Variants in ARMH4 observed in about 807,000 individuals in gnomAD.
ARMH4 encodes armadillo like helical domain containing 4.
A neutral mutation model predicts 61.9 loss-of-function variants in ARMH4; 49 were observed. That is an observed-to-expected ratio of 0.79 (90% CI 0.63 to 1.00). The LOEUF is 1.00. Ranked by LOEUF, ARMH4 falls within the 50% of genes least tolerant of loss-of-function variation. ARMH4 has a pLI of 0.00. For synonymous variants in ARMH4, 368 were observed against 341.5 expected, an observed-to-expected ratio of 1.08 and a Z score of -0.85; for missense variants, 934 against 930.0, an observed-to-expected ratio of 1.00 and a Z score of -0.06.
intron 2 of ARMH4, among the ~76,000 whole-genome samples, chr14:58,135,372 T>C (rs1887269473): frequency 1.3e-5 from 2 of 152,216 alleles, no homozygotes; most frequent in South Asian, 2.1e-4. Context: ...GACAATAACA[T>C]ATAGTTTTAC....
At chr14:58,088,449 C>A (rs1885450144) in intron 5 of ARMH4, among the ~76,000 whole-genome samples, 1 of 149,312 alleles carries the variant, frequency 6.7e-6, no homozygotes. Flanking sequence ...GGTGTCTTAG[C>A]TAATGTGAAA....
At chr14:58,054,869 C>CAAAAA (rs72336341) in intron 5 of ARMH4, among the ~76,000 whole-genome samples, 5 of 104,162 alleles carry the variant, frequency 4.8e-5, no homozygotes, top group Admixed American at 1.9e-4. Context: ...GACTCTGTCT[C>CAAAAA]AAAAAAAAAA....
chr14:58,004,940 C>T (rs1172114969), intron 7 of ARMH4, 108 bp downstream of exon 7: 4 of 1,551,270 alleles, frequency 2.6e-6, no homozygotes, highest in Non-Finnish European at 3.5e-6. Context: ...CCACTGGGCA[C>T]GTCAATACCA....
intron 5 of ARMH4, among the ~76,000 whole-genome samples, chr14:58,073,270 T>TA (rs935048383): frequency 1.6e-4 from 25 of 152,172 alleles, no homozygotes; most frequent in African/African-American, 6.0e-4. Context: ...TTTTAAAAAA[T>TA]AAAAAACTGT....
chr14:58,054,540 T>C (rs748194650), intron 5 of ARMH4, among the ~76,000 whole-genome samples: 2 of 152,182 alleles, frequency 1.3e-5, no homozygotes, highest in Non-Finnish European at 2.9e-5. Flanking sequence ...CAGTAGTACA[T>C]ACAATTTGTA....
chr14:58,133,059 A>C (rs748902828), intron 3 of ARMH4, 31 bp downstream of exon 3: 73 of 1,611,040 alleles, frequency 4.5e-5, no homozygotes, highest in Non-Finnish European at 5.4e-5. Flanking sequence ...ATCCACCCCC[A>C]AAACAGAGTC....
chr14:58,120,804 G>C (rs1465223586), intron 4 of ARMH4, among the ~76,000 whole-genome samples: 2 of 152,164 alleles, frequency 1.3e-5, no homozygotes, highest in East Asian at 3.8e-4. Flanking sequence ...AAAAGATCTA[G>C]CTTCGTTAAT....
chr14:58,023,888 A>G (rs1882931974), intron 5 of ARMH4, among the ~76,000 whole-genome samples: 1 of 152,238 alleles, frequency 6.6e-6, no homozygotes, highest in Non-Finnish European at 1.5e-5. Context: ...AGCAGTAGTA[A>G]TAATTTGAAA....
chr14:58,120,441 T>TA lies in ARMH4; in HGVS notation c.1831+11070dup, dbSNP rs545429876. Among the ~76,000 whole-genome samples the TA allele has an allele frequency of 5.3e-5, 8 of 152,280 alleles. No homozygotes were observed. The South Asian group carries it at 8.3e-4, about 16-fold the overall frequency. On this transcript the variant is annotated intron_variant, in intron 4 of 7. Transcript: ENST00000267485. ...TGGAACTAAAGTCTCTCCTGACTCT[T>TA]AGAGTCCTTTTTCTCTCCTGACTCT... is the stretch of plus-strand genomic sequence containing the variant.
chr14:58,010,519 A>T (rs1459534696), intron 6 of ARMH4, among the ~76,000 whole-genome samples: 2 of 152,158 alleles, frequency 1.3e-5, no homozygotes, highest in East Asian at 3.9e-4. Flanking sequence ...TTCTTCTTAC[A>T]ATTTTTTTAA....
At chr14:58,063,031 A>G (rs1884581529) in intron 5 of ARMH4, among the ~76,000 whole-genome samples, 1 of 152,216 alleles carries the variant, frequency 6.6e-6, no homozygotes, top group Non-Finnish European at 1.5e-5. Flanking sequence ...ACAAGCCCCA[A>G]ATCAAGGTAC....
At chr14:58,080,027 T>C (rs1885167544) in intron 5 of ARMH4, among the ~76,000 whole-genome samples, 1 of 152,208 alleles carries the variant, frequency 6.6e-6, no homozygotes, top group Non-Finnish European at 1.5e-5. Context: ...ATTGCTCATC[T>C]GCAGTAGGCA....
intron 5 of ARMH4, among the ~76,000 whole-genome samples, chr14:58,026,568 G>A (rs527306111): frequency 6.6e-6 from 1 of 152,196 alleles, no homozygotes; most frequent in African/African-American, 2.4e-5. Context: ...AAAGTTTACT[G>A]CTTTCTGAAG....
chr14:58,019,133 A>G (rs890431022), intron 5 of ARMH4, among the ~76,000 whole-genome samples: 4 of 152,126 alleles, frequency 2.6e-5, no homozygotes, highest in Non-Finnish European at 5.9e-5. Flanking sequence ...TTGGAGAGAT[A>G]TTAGTCAAAG....
chr14:58,144,590 T>G (rs145185250), intron 1 of ARMH4, among the ~76,000 whole-genome samples: 2,979 of 151,758 alleles, frequency 0.02, 111 homozygotes, highest in African/African-American at 0.068. Context: ...ATATGAGGCC[T>G]GGCGCAGTGG....
At chr14:58,132,626 A>AC (rs1342046771) in intron 3 of ARMH4, among the ~76,000 whole-genome samples, 1 of 119,652 alleles carries the variant, frequency 8.4e-6, no homozygotes, top group Admixed American at 1.2e-4. Flanking sequence ...TCGCTCTGTC[A>AC]CCAAGCCGGA....
chr14:58,134,553 G>GTCTC (rs57042646), intron 2 of ARMH4, among the ~76,000 whole-genome samples: 24,285 of 151,960 alleles, frequency 0.16, 3,219 homozygotes, highest in African/African-American at 0.37. Context: ...AAACCTTATT[G>GTCTC]TCTTTTTTAA....
intron 4 of ARMH4, among the ~76,000 whole-genome samples, chr14:58,124,784 T>A (rs1331292539): frequency 1.3e-5 from 2 of 152,136 alleles, no homozygotes; most frequent in African/African-American, 4.8e-5. Flanking sequence ...AAAGGGACTT[T>A]GAAAAGCGAG....
intron 2 of ARMH4, among the ~76,000 whole-genome samples, chr14:58,134,557 T>G (rs1887239867): frequency 6.9e-6 from 1 of 144,316 alleles, no homozygotes; most frequent in African/African-American, 2.8e-5. Context: ...CTTATTGTCT[T>G]TTTTAAAATA....
Sources: gnomAD v4.1 joint callset for allele counts (sites outside exome capture counted in the v4.1 genomes callset) on GRCh38, gnomAD v4.1.1 for gene constraint, MANE v1.5 for transcripts, NCBI Gene and HGNC (gene_info 2026-07-23, HGNC 2026-07-21) for gene names.